Variants in SRGAP3 observed in about 807,000 individuals in gnomAD.
SRGAP3 encodes SLIT-ROBO Rho GTPase-activating protein 3.
A neutral mutation model predicts 121.1 loss-of-function variants in SRGAP3; 39 were observed. That is an observed-to-expected ratio of 0.32 (90% CI 0.25 to 0.42). The LOEUF is 0.42. SRGAP3 is among the 10% of genes least tolerant of loss of function. The pLI, the probability that SRGAP3 is intolerant of heterozygous loss-of-function variation, is 1.00. For synonymous variants in SRGAP3, 601 were observed against 570.0 expected (o/e 1.05, Z -0.77); for missense variants, 1,213 against 1,470.6 (o/e 0.82, Z 2.86).
chr3:9,318,917 T>G (rs1955396627), intron 3 of SRGAP3, among the ~76,000 whole-genome samples: 1 of 151,032 alleles, frequency 6.6e-6, no homozygotes, highest in South Asian at 2.1e-4. Flanking sequence ...AGAAAGAAAA[T>G]CAAAGCCAGG....
At chr3:9,031,342 T>C (rs191766821) in intron 12 of SRGAP3, among the ~76,000 whole-genome samples, 124 of 152,276 alleles carry the variant, frequency 8.1e-4, no homozygotes, top group African/African-American at 2.8e-3. Context: ...ATTCCTTTGG[T>C]ACAGCCCTGC....
chr3:9,249,087 C>T lies in SRGAP3; in HGVS notation c.-136G>A. ...TTAGGGACTAATCTCTTTCACTTGG[C>T]TGCAGAGCAGGGAGAAAAATCCTTC... On this transcript the variant is annotated 5_prime_UTR_variant, in exon 1 of 22. Coordinates refer to ENST00000383836, the MANE Select transcript of SRGAP3 (RefSeq NM_014850.4). 1.2e-6 allele frequency: 1 copy of T among 869,176 alleles called. No individual in the cohort carries two copies. The highest frequency in any genetic ancestry group is 1.9e-6 in the Non-Finnish European group (1 of 528,462). 53.8% of individuals were successfully genotyped at this position (869,176 alleles called of 1,614,324 possible).
intron 1 of SRGAP3, among the ~76,000 whole-genome samples, chr3:9,162,110 T>C (rs2668354): frequency 0.3 from 45,264 of 152,010 alleles, 7,605 homozygotes; most frequent in Non-Finnish European, 0.39. Flanking sequence ...GACCTAGAGT[T>C]GTCAAGTTCA....
chr3:9,048,781 G>T (rs1047775971), intron 9 of SRGAP3, among the ~76,000 whole-genome samples: 7 of 152,134 alleles, frequency 4.6e-5, no homozygotes, highest in African/African-American at 9.7e-5. Flanking sequence ...CTATGTTCAT[G>T]CCACTGCACT....
chr3:9,041,490 A>T (rs533014209), intron 10 of SRGAP3, among the ~76,000 whole-genome samples: 2 of 152,386 alleles, frequency 1.3e-5, no homozygotes, highest in South Asian at 4.1e-4. Context: ...TACTGAAAAC[A>T]AAGAGGTCTG....
rs144791989 is a variant in SRGAP3 at position 9,132,404 on chromosome 3, G to A, written c.68-7487C>T. 2.9e-3 allele frequency among the ~76,000 whole-genome samples: 446 copies of A among 152,132 alleles called. 2 individuals are homozygous for A. The highest frequency in any genetic ancestry group is 9.9e-3 in the African/African-American group (410 of 41,500). On this transcript the variant is annotated intron_variant, in intron 1 of 21. Transcript: ENST00000383836. ...AAAATCCTCGTGCTCCACCTATTTC[G>A]CCCCTTATTCTTCCCTCTCACTTAC...
intron 1 of SRGAP3, among the ~76,000 whole-genome samples, chr3:9,181,087 C>A (rs142623696): frequency 6.6e-6 from 1 of 152,326 alleles, no homozygotes; most frequent in East Asian, 1.9e-4. Flanking sequence ...AAAATCACTT[C>A]TTTAAATTTC....
intron 1 of SRGAP3, chr3:9,348,486 T>A: frequency 1.4e-6 from 1 of 724,258 alleles, no homozygotes; most frequent in South Asian, 1.4e-5. Context: ...GGCGAGAGCA[T>A]GTGGAATCCG....
chr3:9,322,750 A>G (rs1018973909), intron 3 of SRGAP3, among the ~76,000 whole-genome samples: 1 of 151,730 alleles, frequency 6.6e-6, no homozygotes, highest in Non-Finnish European at 1.5e-5. Flanking sequence ...AGTCCCTGGT[A>G]CCAAAAAGGT....
At chr3:8,987,148 G>A (rs971770997) in intron 21 of SRGAP3, among the ~76,000 whole-genome samples, 7 of 152,236 alleles carry the variant, frequency 4.6e-5, no homozygotes, top group African/African-American at 1.7e-4. Flanking sequence ...TGAGATAATG[G>A]ATGTGATGAA....
At chr3:9,113,590 A>C (rs561037644) in intron 2 of SRGAP3, among the ~76,000 whole-genome samples, 1 of 152,290 alleles carries the variant, frequency 6.6e-6, no homozygotes, top group African/African-American at 2.4e-5. Context: ...GAGGGGACAC[A>C]GTTCCACCCT....
intron 1 of SRGAP3, among the ~76,000 whole-genome samples, chr3:9,134,174 A>T (rs1301852846): frequency 6.6e-6 from 1 of 152,166 alleles, no homozygotes; most frequent in Non-Finnish European, 1.5e-5. Flanking sequence ...CTGGGTTAGT[A>T]AGAGGGGCCA....
At chr3:9,047,517 C>G in intron 9 of SRGAP3, 42 bp from the exon 10 acceptor site, 1 of 1,584,780 alleles carries the variant, frequency 6.3e-7, no homozygotes, top group Non-Finnish European at 8.7e-7. Flanking sequence ...ATTGCAAGGC[C>G]GAGTAATGGG....
Position 9,010,380 on chromosome 3 carries a change from G to A in SRGAP3, c.2155C>T (p.Pro719Ser), listed in dbSNP as rs768053666. 2.5e-6 allele frequency: 4 copies of A among 1,613,960 alleles called. No individual in the cohort carries two copies. The highest frequency in any genetic ancestry group is 3.4e-6 in the Non-Finnish European group (4 of 1,180,032). Residue 719 changes from proline (P) to serine (S), a missense_variant, in exon 18 of 22, where the codon CCA becomes TCA. By Grantham distance (74) the Pro-to-Ser change is moderately conservative. Transcript: ENST00000383836. ...MAGGEEYCDS[P>S]HSEPGAIDEV... ...TCGATGGCCCCTGGCTCGCTGTGTGGGCTGTCACTGCAAGGAAACACGGGA... is the reference window on the plus strand; with the variant it reads ...TCGATGGCCCCTGGCTCGCTGTGTGAGCTGTCACTGCAAGGAAACACGGGA...
intron 3 of SRGAP3, among the ~76,000 whole-genome samples, chr3:9,323,720 C>CTGGTTT (rs1955472199): frequency 6.6e-6 from 1 of 151,358 alleles, no homozygotes; most frequent in Non-Finnish European, 1.5e-5. Flanking sequence ...ATGACCAGTT[C>CTGGTTT]TGGTTTTCTT....
chr3:9,320,624 G>A (rs928303544), intron 3 of SRGAP3, among the ~76,000 whole-genome samples: 1 of 151,910 alleles, frequency 6.6e-6, no homozygotes, highest in South Asian at 2.1e-4. Flanking sequence ...GCAGAACCAT[G>A]AGCCAATTAA....
chr3:9,095,920 A>T (rs939041538), intron 3 of SRGAP3, among the ~76,000 whole-genome samples: 2 of 152,106 alleles, frequency 1.3e-5, no homozygotes, highest in Admixed American at 1.3e-4. Flanking sequence ...CTGGAAAAAA[A>T]AAATTGCAGG....
intron 19 of SRGAP3, 137 bp downstream of exon 19, chr3:8,994,206 A>T: frequency 8.9e-7 from 1 of 1,124,944 alleles, no homozygotes; most frequent in Non-Finnish European, 1.3e-6. Flanking sequence ...GATATTACCC[A>T]TTGTTAGAGA....
chr3:9,143,771 C>A (rs559949350), intron 1 of SRGAP3, among the ~76,000 whole-genome samples: 2 of 152,114 alleles, frequency 1.3e-5, no homozygotes, highest in Non-Finnish European at 2.9e-5. Context: ...CCCATTCCCA[C>A]GGTGAAACTC....
Sources: allele counts gnomAD v4.1 joint callset (sites outside exome capture counted in the v4.1 genomes callset), GRCh38; gene constraint gnomAD v4.1.1; transcripts MANE v1.5; gene names NCBI Gene and HGNC (gene_info 2026-07-23, HGNC 2026-07-21).